Variants in PEX5L observed in about 807,000 individuals in gnomAD.
PEX5L encodes peroxisomal biogenesis factor 5 like, also known as PEX5-related protein.
PEX5L carries 30 observed loss-of-function variants against 84.0 expected under a neutral mutation model. The observed-to-expected ratio is 0.36, with a 90% CI of 0.27 to 0.48. PEX5L has a LOEUF of 0.48. PEX5L is among the 20% of genes least tolerant of loss of function. PEX5L has a pLI of 0.99. For missense variants in PEX5L, 533 were observed against 754.6 expected (o/e 0.71, Z 3.44); for synonymous variants, 270 against 283.1 (o/e 0.95, Z 0.46).
chr3:179,918,021 T>G (rs1469086992), intron 2 of PEX5L, among the ~76,000 whole-genome samples: 1 of 152,172 alleles, frequency 6.6e-6, no homozygotes, highest in Non-Finnish European at 1.5e-5. Flanking sequence ...GTATATGCTT[T>G]CATTATGACC....
intron 8 of PEX5L, among the ~76,000 whole-genome samples, chr3:179,823,102 A>C (rs1360241483): frequency 6.6e-6 from 1 of 152,216 alleles, no homozygotes; most frequent in Non-Finnish European, 1.5e-5. Context: ...GTGTCTTTGT[A>C]GTATTGAGAA....
chr3:179,901,077 A>G (rs1179640945), intron 2 of PEX5L, among the ~76,000 whole-genome samples: 1 of 152,226 alleles, frequency 6.6e-6, no homozygotes, highest in African/African-American at 2.4e-5. Flanking sequence ...AACCTGACTG[A>G]TAATTGGCTT....
chr3:180,015,912 TAAAC>T (rs142042404), intron 1 of PEX5L, among the ~76,000 whole-genome samples: 43,251 of 148,338 alleles, frequency 0.29, 7,301 homozygotes, highest in African/African-American at 0.48. Flanking sequence ...GTATAATAAA[TAAAC>T]AAAAGTGTAA....
At chr3:179,885,475 T>C (rs529142555) in intron 4 of PEX5L, among the ~76,000 whole-genome samples, 9 of 151,986 alleles carry the variant, frequency 5.9e-5, no homozygotes, top group Admixed American at 2.0e-4. Flanking sequence ...TGAAACCCTG[T>C]CTCTACTAAA....
chr3:179,796,198 A>G lies in PEX5L; in HGVS notation c.*5630T>C, dbSNP rs1310897246. 1.3e-5 allele frequency: 2 copies of G among 152,026 alleles called. No homozygotes were observed. The highest frequency in any genetic ancestry group is 2.9e-5 in the Non-Finnish European group (2 of 67,998). 9.4% of individuals were successfully genotyped at this position (152,026 alleles called of 1,614,324 possible). A position where few individuals can be genotyped will look rare whatever the true frequency, so the allele number is the denominator to read the frequency against. ...GAACACGACCCCTCCCCCTCCCCCA[A>G]TGAATGATACACATTTTATAGTTGA... On this transcript the variant is annotated 3_prime_UTR_variant, in exon 15 of 15. Coordinates refer to ENST00000467460, the MANE Select transcript of PEX5L (RefSeq NM_016559.3).
At chr3:179,867,619 TTC>T (rs1380799543) in intron 7 of PEX5L, among the ~76,000 whole-genome samples, 2 of 152,188 alleles carry the variant, frequency 1.3e-5, no homozygotes, top group African/African-American at 4.8e-5. Context: ...ATCTAATAGT[TTC>T]TGTTAGACAC....
In PEX5L at chr3:180,008,448, C is replaced by G. The variant is rs1316336110; in HGVS notation, c.21+28131G>C. 2.6e-5 allele frequency among the ~76,000 whole-genome samples: 4 copies of G among 152,166 alleles called. No homozygotes were observed. The East Asian group carries it at 7.7e-4, about 29-fold the overall frequency. ...CTTCTTCTGAGCCCTCCAAGCTGTT[C>G]CAACCTCTGCCTGCTTCCAAGTTCC... On this transcript the variant is annotated intron_variant, in intron 1 of 14. Coordinates refer to ENST00000467460, the MANE Select transcript of PEX5L (RefSeq NM_016559.3).
chr3:179,888,020 T>C, intron 3 of PEX5L: 1 of 854,236 alleles, frequency 1.2e-6, no homozygotes, highest in Non-Finnish European at 1.8e-6. Flanking sequence ...AGCTCAAGCC[T>C]TTCCTCCCCC....
chr3:179,951,308 G>C (rs544137861), intron 2 of PEX5L, among the ~76,000 whole-genome samples: 4 of 152,172 alleles, frequency 2.6e-5, no homozygotes, highest in African/African-American at 9.6e-5. Flanking sequence ...TTCTTCCTTA[G>C]TAACATGGTT....
chr3:179,810,828 C>T (rs933690056), intron 11 of PEX5L, among the ~76,000 whole-genome samples: 2 of 152,124 alleles, frequency 1.3e-5, no homozygotes, highest in Admixed American at 6.5e-5. Flanking sequence ...CTGGGCTGTG[C>T]TTGGGCATTA....
intron 1 of PEX5L, among the ~76,000 whole-genome samples, chr3:180,028,744 G>A (rs542035439): frequency 6.6e-6 from 1 of 152,150 alleles, no homozygotes; most frequent in Non-Finnish European, 1.5e-5. Flanking sequence ...TTTTTCAAAG[G>A]TTCTTTAAAC....
At chr3:179,822,129 C>A (rs1728737881) in intron 8 of PEX5L, among the ~76,000 whole-genome samples, 1 of 152,190 alleles carries the variant, frequency 6.6e-6, no homozygotes, top group African/African-American at 2.4e-5. Flanking sequence ...AAAGACAAAT[C>A]TATCAAGTGA....
At chr3:179,876,374 G>C (rs1297804158) in intron 5 of PEX5L, among the ~76,000 whole-genome samples, 1 of 151,900 alleles carries the variant, frequency 6.6e-6, no homozygotes, top group Non-Finnish European at 1.5e-5. Context: ...GTGCATGCCT[G>C]TAATCCCAGC....
intron 1 of PEX5L, among the ~76,000 whole-genome samples, chr3:179,994,779 G>A (rs1376527065): frequency 2.6e-5 from 4 of 152,016 alleles, no homozygotes; most frequent in Non-Finnish European, 4.4e-5. Context: ...AGCTGCCAGC[G>A]TGACTAGAAT....
intron 1 of PEX5L, among the ~76,000 whole-genome samples, chr3:179,981,699 GA>G (rs887572675): frequency 1.3e-5 from 2 of 151,806 alleles, no homozygotes; most frequent in African/African-American, 4.8e-5. Context: ...GAGAAAGAGA[GA>G]AAAAAACTTG....
intron 9 of PEX5L, among the ~76,000 whole-genome samples, chr3:179,817,256 G>A (rs529561942): frequency 3.9e-5 from 6 of 152,004 alleles, no homozygotes; most frequent in Non-Finnish European, 8.8e-5. Context: ...TAAATAACTG[G>A]TATTTTCTAT....
intron 2 of PEX5L, among the ~76,000 whole-genome samples, chr3:179,927,661 TG>T (rs1243173908): frequency 2.0e-5 from 3 of 152,208 alleles, no homozygotes; most frequent in African/African-American, 7.2e-5. Flanking sequence ...AAAAATTAAT[TG>T]TTATTTTCTT....
intron 7 of PEX5L, 30 bp downstream of exon 7, chr3:179,874,297 A>G (rs947514646): frequency 8.4e-7 from 1 of 1,195,746 alleles, no homozygotes; most frequent in Non-Finnish European, 1.2e-6. Flanking sequence ...ATAGGGAAAG[A>G]TGTGTTCATT....
chr3:179,973,764 A>G, intron 1 of PEX5L: 1 of 985,414 alleles, frequency 1.0e-6, no homozygotes, highest in Non-Finnish European at 1.2e-6. Flanking sequence ...TTTCCTGGGA[A>G]GAGGCTAGTT....
Sources: gnomAD v4.1 joint callset for allele counts (sites outside exome capture counted in the v4.1 genomes callset) on GRCh38, gnomAD v4.1.1 for gene constraint, MANE v1.5 for transcripts, NCBI Gene and HGNC (gene_info 2026-07-23, HGNC 2026-07-21) for gene names.